Variants in ARSG observed in about 807,000 individuals in gnomAD.
The protein encoded by ARSG is arylsulfatase G, also known as ASG.
A neutral mutation model predicts 50.5 loss-of-function variants in ARSG; 37 were observed. That is an observed-to-expected ratio of 0.73 (90% CI 0.56 to 0.96). The LOEUF is 0.96. Among genes scored for constraint, ARSG ranks in the 50% least tolerant of loss-of-function variants. The pLI is 0.00. For missense variants in ARSG, 629 were observed against 675.3 expected, an observed-to-expected ratio of 0.93 and a Z score of 0.76; for synonymous variants, 225 against 254.6, an observed-to-expected ratio of 0.88 and a Z score of 1.11.
intron 7 of ARSG, among the ~76,000 whole-genome samples, 194 bp from the exon 8 acceptor site, chr17:68,370,250 A>G (rs2079763941): frequency 6.6e-6 from 1 of 151,974 alleles, no homozygotes; most frequent in Non-Finnish European, 1.5e-5. Context: ...CCTGACCTCA[A>G]GTGATCTGCT....
the ARSG span, among the ~76,000 whole-genome samples, chr17:68,432,610 C>T: frequency 0.18 from 27,541 of 151,964 alleles, 2,762 homozygotes; most frequent in South Asian, 0.29. Context: ...TGATAAGGTG[C>T]CCGGCCTCTG....
the ARSG span, among the ~76,000 whole-genome samples, chr17:68,437,972 A>C: frequency 6.9e-6 from 1 of 144,256 alleles, no homozygotes; most frequent in Non-Finnish European, 1.5e-5. Context: ...AAAAAAAAAA[A>C]AGTGACTGGC....
intron 9 of ARSG, among the ~76,000 whole-genome samples, chr17:68,386,953 C>T (rs1274286412): frequency 1.3e-5 from 2 of 151,930 alleles, no homozygotes; most frequent in Non-Finnish European, 2.9e-5. Flanking sequence ...CAGGATAATA[C>T]CAACACACCG....
chr17:68,289,073 C>T (rs113187552), upstream of ARSG, among the ~76,000 whole-genome samples: 158 of 152,174 alleles, frequency 1.0e-3, 1 homozygote, highest in Middle Eastern at 3.4e-3. Flanking sequence ...TGGCCGGGTG[C>T]GGTAGCTCAT....
chr17:68,310,786 C>T (rs919281067), intron 2 of ARSG, among the ~76,000 whole-genome samples: 1 of 152,184 alleles, frequency 6.6e-6, no homozygotes, highest in Non-Finnish European at 1.5e-5. Context: ...TGGTCTCACC[C>T]ACTCCAGTTC....
chr17:68,297,345 C>T (rs1555758693), intron 1 of ARSG, among the ~76,000 whole-genome samples: 1 of 152,194 alleles, frequency 6.6e-6, no homozygotes, highest in African/African-American at 2.4e-5. Context: ...GCTGAAGGGA[C>T]CTGGCTCAGG....
intron 1 of ARSG, chr17:68,272,673 TGTGGAAGCAACTGCA>T: frequency 6.2e-7 from 1 of 1,614,168 alleles, no homozygotes; most frequent in Non-Finnish European, 8.5e-7. Flanking sequence ...AACATTCTCC[TGTGGAAGCAACTGCA>T]GTGACTATGG....
rs1393382610 is a variant in ARSG, at chr17:68,327,514, C to T, written c.219-16090C>T. The stretch of plus-strand genomic sequence containing the variant: ...CATCTCTGCCTCTTCTTCACATGGC[C>T]ATCTTCCCTCTGTGTGTCTCTGTGT... On this transcript the variant is annotated intron_variant, in intron 2 of 11. Coordinates refer to ENST00000621439, the MANE Select transcript of ARSG (RefSeq NM_001267727.2). Among the ~76,000 whole-genome samples, 3 of 152,128 alleles carry T rather than the reference C, an allele frequency of 2.0e-5. No individual in the cohort carries two copies. The East Asian group carries it at 5.8e-4, about 29-fold the overall frequency.
chr17:68,349,122 C>A (rs2078639753), intron 4 of ARSG, among the ~76,000 whole-genome samples: 1 of 151,642 alleles, frequency 6.6e-6, no homozygotes, highest in Admixed American at 6.6e-5. Context: ...CATGGTGAAC[C>A]CCTGTCTCTA....
chr17:68,350,948 G>A (rs1204730587), intron 4 of ARSG, among the ~76,000 whole-genome samples: 1 of 152,066 alleles, frequency 6.6e-6, no homozygotes, highest in East Asian at 1.9e-4. Flanking sequence ...ACCACTCCAA[G>A]CCCAAATTCT....
At chr17:68,262,150 C>G (rs1331430590) in intron 1 of ARSG, among the ~76,000 whole-genome samples, 1 of 135,468 alleles carries the variant, frequency 7.4e-6, no homozygotes, top group Non-Finnish European at 1.5e-5. Flanking sequence ...GAGCAAAACT[C>G]CATCTCAAAC....
intron 10 of ARSG, chr17:68,400,314 G>A (rs1414582864): frequency 6.6e-5 from 10 of 152,108 alleles, no homozygotes; most frequent in East Asian, 1.9e-4. Context: ...CATTCTGTAC[G>A]GTAATTCTTT....
In ARSG at chr17:68,372,421, G is replaced by C. The variant is rs574654767; in HGVS notation, c.982+1897G>C. On this transcript the variant is annotated intron_variant, in intron 8 of 11. Coordinates refer to ENST00000621439, the MANE Select transcript of ARSG (RefSeq NM_001267727.2). ...TAATTGACTCACAGTTCTGTAGGCTGTACAGGAAGCATGGCTAGGGAGGCC... is the reference window on the plus strand; with the variant it reads ...TAATTGACTCACAGTTCTGTAGGCTCTACAGGAAGCATGGCTAGGGAGGCC... Among the ~76,000 whole-genome samples, 5 of 152,320 alleles carry C rather than the reference G, an allele frequency of 3.3e-5. No individual in the cohort carries two copies. In the East Asian group the frequency reaches 5.8e-4, roughly 18 times the overall value.
chr17:68,371,024 GAA>G (rs879378937), intron 8 of ARSG, among the ~76,000 whole-genome samples: 1 of 152,036 alleles, frequency 6.6e-6, no homozygotes, highest in Non-Finnish European at 1.5e-5. Context: ...TACAGATGAA[GAA>G]AAAGAGAGGC....
the ARSG span, among the ~76,000 whole-genome samples, chr17:68,439,956 G>A: frequency 6.6e-6 from 1 of 152,228 alleles, no homozygotes; most frequent in African/African-American, 2.4e-5. Context: ...ACCTCCAGCT[G>A]TGCTTCAGAG....
At chr17:68,272,643 T>C (rs782517528) in intron 1 of ARSG, 1 of 1,613,960 alleles carries the variant, frequency 6.2e-7, no homozygotes, top group Non-Finnish European at 8.5e-7. Context: ...ACCTACCTGG[T>C]GCGAAAGCAA....
At chr17:68,427,458 G>A, downstream of ARSG, 1 of 381,928 alleles carries the variant, frequency 2.6e-6, no homozygotes, top group Non-Finnish European at 4.8e-6. Context: ...CTGGGTTCAA[G>A]CGATTCTCCT....
chr17:68,309,917 T>C (rs1555766086), intron 2 of ARSG, among the ~76,000 whole-genome samples: 1 of 151,692 alleles, frequency 6.6e-6, no homozygotes, highest in African/African-American at 2.4e-5. Context: ...GAAATAAGAA[T>C]TATAAGCAAA....
At chr17:68,337,201 G>A (rs1396926441) in intron 2 of ARSG, among the ~76,000 whole-genome samples, 1 of 152,174 alleles carries the variant, frequency 6.6e-6, no homozygotes, top group Non-Finnish European at 1.5e-5. Flanking sequence ...GGGCAGCCCT[G>A]GATTATTGCG....
Sources: gnomAD v4.1 joint callset for allele counts (sites outside exome capture counted in the v4.1 genomes callset) on GRCh38, gnomAD v4.1.1 for gene constraint, MANE v1.5 for transcripts, NCBI Gene and HGNC (gene_info 2026-07-23, HGNC 2026-07-21) for gene names.